The following ABCC1 variants were observed in gnomAD, a reference collection of about 807,000 sequenced individuals.
The protein encoded by ABCC1 is ATP binding cassette subfamily C member 1 (ABCC1 blood group).
Under a neutral mutation model 172.9 loss-of-function variants are expected in ABCC1, and 83 were observed. The ratio of observed to expected loss-of-function variants is 0.48; its 90% CI spans 0.40 to 0.58. The LOEUF is 0.58. Among genes scored for constraint, ABCC1 ranks in the 20% least tolerant of loss-of-function variants. The pLI, the probability that ABCC1 is intolerant of heterozygous loss-of-function variation, is 0.00. For missense variants in ABCC1, 1,817 were observed against 2,002.7 expected (o/e 0.91, Z 1.77); for synonymous variants, 937 against 825.2 (o/e 1.14, Z -2.32).
At chr16:16,069,114 C>T (rs1235370997) in intron 13 of ABCC1, among the ~76,000 whole-genome samples, 40 of 148,058 alleles carry the variant, frequency 2.7e-4, no homozygotes, top group Admixed American at 2.6e-3. Flanking sequence ...TTGAGACTAG[C>T]CTGGGCAATA....
At chr16:16,092,064 C>A (rs2051277100) in intron 19 of ABCC1, among the ~76,000 whole-genome samples, 1 of 152,110 alleles carries the variant, frequency 6.6e-6, no homozygotes, top group South Asian at 2.1e-4. Context: ...ATGATGAAAC[C>A]CTGTCTCTAC....
intron 1 of ABCC1, among the ~76,000 whole-genome samples, chr16:15,962,877 TTC>T (rs1158224700): frequency 6.6e-6 from 1 of 152,186 alleles, no homozygotes; most frequent in Non-Finnish European, 1.5e-5. Flanking sequence ...AATCTCATCT[TTC>T]TCATATTTCA....
intron 12 of ABCC1, among the ~76,000 whole-genome samples, chr16:16,064,221 T>G (rs1285875746): frequency 1.3e-5 from 2 of 152,162 alleles, no homozygotes; most frequent in African/African-American, 4.8e-5. Flanking sequence ...CCTCACTGTG[T>G]ATGAAGGGCT....
chr16:16,109,755 C>A (rs2052305907), intron 21 of ABCC1, among the ~76,000 whole-genome samples: 1 of 152,190 alleles, frequency 6.6e-6, no homozygotes, highest in Admixed American at 6.5e-5. Context: ...GTATTCTGTG[C>A]TCAGAGTGAA....
At chr16:16,066,978 C>T (rs974654460) in intron 12 of ABCC1, among the ~76,000 whole-genome samples, 9 of 151,622 alleles carry the variant, frequency 5.9e-5, no homozygotes, top group African/African-American at 1.7e-4. Flanking sequence ...AGGATGGGTG[C>T]AGTGGCTCAT....
intron 1 of ABCC1, among the ~76,000 whole-genome samples, chr16:16,000,286 A>G (rs1025027684): frequency 7.3e-5 from 11 of 151,620 alleles, no homozygotes. Flanking sequence ...AGCTGGGATT[A>G]TAGGCGAGTT....
intron 1 of ABCC1, among the ~76,000 whole-genome samples, chr16:16,002,967 A>G (rs1467736687): frequency 6.6e-6 from 1 of 152,180 alleles, no homozygotes. Context: ...GGAGAAAGAC[A>G]TATTTTTCAC....
intron 23 of ABCC1, among the ~76,000 whole-genome samples, chr16:16,116,827 T>C (rs2044897626): frequency 6.6e-6 from 1 of 152,222 alleles, no homozygotes; most frequent in African/African-American, 2.4e-5. Flanking sequence ...GCCAAAGTGC[T>C]GGGATTACAG....
In ABCC1 at chr16:16,055,537, G is replaced by A. The variant is rs1275145708; in HGVS notation, c.1474-555G>A. 5.5e-5 allele frequency among the ~76,000 whole-genome samples: 8 copies of A among 146,682 alleles called. No homozygotes were observed. In the East Asian group the frequency reaches 1.6e-3, roughly 29 times the overall value. ...TGCACTCCAGCCTGGGCAAGAGAGC[G>A]AGACTCCGTCACAAAAAAAAAAAGA... On this transcript the variant is annotated intron_variant, in intron 11 of 30. Coordinates refer to ENST00000399410, the MANE Select transcript of ABCC1 (RefSeq NM_004996.4).
intron 14 of ABCC1, among the ~76,000 whole-genome samples, chr16:16,072,181 A>AT (rs11343915): frequency 1.2e-3 from 168 of 144,610 alleles, no homozygotes; most frequent in Admixed American, 1.9e-3. Context: ...TGTTACTTGG[A>AT]TTTTTTTTTT....
At chr16:16,003,828 G>A (rs1203496278) in intron 1 of ABCC1, among the ~76,000 whole-genome samples, 2 of 134,752 alleles carry the variant, frequency 1.5e-5, no homozygotes, top group Admixed American at 7.4e-5. Flanking sequence ...TGAATTGGTA[G>A]GTGGGTAGGG....
At chr16:16,137,183 G>A (rs534185254) in intron 29 of ABCC1, among the ~76,000 whole-genome samples, 7 of 152,242 alleles carry the variant, frequency 4.6e-5, no homozygotes, top group African/African-American at 1.7e-4. Flanking sequence ...ATAAAGCAAC[G>A]ATCATTGCTG....
intron 27 of ABCC1, among the ~76,000 whole-genome samples, chr16:16,132,554 C>T (rs370188251): frequency 5.3e-5 from 5 of 94,832 alleles, no homozygotes; most frequent in African/African-American, 2.0e-4. Context: ...TGGAGTCTTA[C>T]TCTGTTGCCA....
chr16:15,998,256 G>T (rs1462020840), intron 1 of ABCC1, among the ~76,000 whole-genome samples: 1 of 152,094 alleles, frequency 6.6e-6, no homozygotes, highest in Non-Finnish European at 1.5e-5. Context: ...TTCTGAGTAG[G>T]TGGGACTACA....
chr16:15,984,717 T>TCA (rs1443920196), intron 1 of ABCC1, among the ~76,000 whole-genome samples: 3 of 152,154 alleles, frequency 2.0e-5, no homozygotes, highest in Non-Finnish European at 2.9e-5. Flanking sequence ...GTGCTGAGAT[T>TCA]ACAGGCTTGA....
At chr16:16,001,978 A>T (rs1295332468) in intron 1 of ABCC1, among the ~76,000 whole-genome samples, 1 of 152,174 alleles carries the variant, frequency 6.6e-6, no homozygotes, top group East Asian at 1.9e-4. Context: ...TGGGCCTCCC[A>T]AAATGCTGGA....
At chr16:16,043,008 A>G (rs1209958865) in intron 7 of ABCC1, among the ~76,000 whole-genome samples, 1 of 150,452 alleles carries the variant, frequency 6.6e-6, no homozygotes, top group Non-Finnish European at 1.5e-5. Flanking sequence ...ATTACAGGCA[A>G]CCGCCACCAT....
At chr16:15,981,651 C>T (rs1362321580) in intron 1 of ABCC1, among the ~76,000 whole-genome samples, 1 of 152,136 alleles carries the variant, frequency 6.6e-6, no homozygotes, top group Non-Finnish European at 1.5e-5. Flanking sequence ...ATTTTTTCCT[C>T]CTAGACCTCT....
intron 1 of ABCC1, among the ~76,000 whole-genome samples, chr16:15,983,422 CT>C (rs1310357235): frequency 1.3e-5 from 2 of 152,222 alleles, no homozygotes; most frequent in South Asian, 2.1e-4. Flanking sequence ...AAGATATCCC[CT>C]GTCTGCGGTT....
Sources: gnomAD v4.1 joint callset for allele counts (sites outside exome capture counted in the v4.1 genomes callset) on GRCh38, gnomAD v4.1.1 for gene constraint, MANE v1.5 for transcripts, NCBI Gene and HGNC (gene_info 2026-07-23, HGNC 2026-07-21) for gene names.